ANKRD30A: variants seen among roughly 807,000 people sequenced by gnomAD.
ANKRD30A encodes the protein ankyrin repeat domain 30A, also known as ankyrin repeat domain-containing protein 30A.
In ANKRD30A, 170 loss-of-function variants were observed where a neutral mutation model predicts 166.3. The ratio of observed to expected loss-of-function variants is 1.02; its 90% CI spans 0.90 to 1.16. The LOEUF (loss-of-function observed/expected upper bound fraction) is 1.16. Ranked by LOEUF, ANKRD30A falls within the 50% of genes most tolerant of loss-of-function variation. The pLI is 0.00. For missense variants in ANKRD30A, 1,630 were observed against 1,518.0 expected (o/e 1.07, Z -1.23); for synonymous variants, 564 against 508.9 (o/e 1.11, Z -1.46).
chr10:37,235,948 A>G (rs912975213), downstream of ANKRD30A, among the ~76,000 whole-genome samples: 6 of 151,448 alleles, frequency 4.0e-5, no homozygotes, highest in Admixed American at 6.6e-5. Flanking sequence ...TTTTTTATTT[A>G]TAGTAGAGAC....
downstream of ANKRD30A, among the ~76,000 whole-genome samples, chr10:37,237,032 A>G (rs1843698966): frequency 6.6e-6 from 1 of 152,202 alleles, no homozygotes; most frequent in South Asian, 2.1e-4. Context: ...AGGATTCACA[A>G]TTTAGCTGGA....
At chr10:37,149,445 C>G (rs1038710808) in intron 9 of ANKRD30A, among the ~76,000 whole-genome samples, 5 of 152,010 alleles carry the variant, frequency 3.3e-5, no homozygotes, top group Non-Finnish European at 7.4e-5. Context: ...CTTAACTGCA[C>G]GATCTATGAA....
chr10:37,135,726 T>C (rs1443020570), intron 5 of ANKRD30A, among the ~76,000 whole-genome samples: 3 of 152,204 alleles, frequency 2.0e-5, no homozygotes, highest in Non-Finnish European at 2.9e-5. Flanking sequence ...TGACATCTAT[T>C]AGTTTTCTGC....
At chr10:37,159,884 C>A (rs563724902) in intron 15 of ANKRD30A, among the ~76,000 whole-genome samples, 57 of 152,174 alleles carry the variant, frequency 3.7e-4, no homozygotes, top group African/African-American at 1.3e-3. Flanking sequence ...TTAGTAGAGA[C>A]AGGGTTTCAG....
chr10:37,150,911 C>T (rs1191545725), intron 11 of ANKRD30A, among the ~76,000 whole-genome samples: 1 of 151,948 alleles, frequency 6.6e-6, no homozygotes, highest in Non-Finnish European at 1.5e-5. Flanking sequence ...TTGAACTGTG[C>T]CCCACAGCTT....
At chr10:37,199,970 T>C (rs1353048485) in intron 30 of ANKRD30A, among the ~76,000 whole-genome samples, 182 bp downstream of exon 30, 4 of 152,104 alleles carry the variant, frequency 2.6e-5, no homozygotes, top group Non-Finnish European at 5.9e-5. Context: ...CACAGTGATA[T>C]TGTGTGAATT....
Position 37,145,064 on chromosome 10 carries a change from G to A in ANKRD30A, c.1455+8G>A, listed in dbSNP as rs367822107. On this transcript the variant is annotated splice_region_variant and intron_variant, in intron 8 of 35. Coordinates refer to ENST00000361713, the MANE Select transcript of ANKRD30A (RefSeq NM_052997.3). ...TATTCTTGTGATTCTCGGGTATTGT[G>A]TATTATTGATGTTATTCTCTAAAAA... The A allele has an allele frequency of 6.4e-6, 10 of 1,568,354 alleles. No homozygotes were observed. The highest frequency in any genetic ancestry group is 1.4e-5 in the African/African-American group (1 of 72,900).
intron 15 of ANKRD30A, among the ~76,000 whole-genome samples, chr10:37,158,908 A>G (rs967508079): frequency 1.1e-4 from 17 of 152,198 alleles, no homozygotes; most frequent in South Asian, 4.1e-4. Flanking sequence ...GCAGTGGTTC[A>G]AAGGCTGATT....
At chr10:37,228,717 G>C (rs1168791419) in intron 34 of ANKRD30A, among the ~76,000 whole-genome samples, 2 of 151,870 alleles carry the variant, frequency 1.3e-5, no homozygotes, top group African/African-American at 4.8e-5. Flanking sequence ...CTCCTCAGTA[G>C]CTCTTATGTC....
chr10:37,232,645 G>A (rs553040941), downstream of ANKRD30A: 264 of 54,536 alleles, frequency 4.8e-3, 2 homozygotes, highest in African/African-American at 0.015. Context: ...ATAAATTGAA[G>A]CATTGGTTTT....
chr10:37,130,542 C>T (rs1836321910), intron 3 of ANKRD30A, among the ~76,000 whole-genome samples, 164 bp downstream of exon 3: 1 of 152,058 alleles, frequency 6.6e-6, no homozygotes, highest in African/African-American at 2.4e-5. Flanking sequence ...AATGTTTTTA[C>T]AAGAACTATT....
chr10:37,167,650 T>G (rs1839465557), intron 19 of ANKRD30A, among the ~76,000 whole-genome samples: 1 of 151,894 alleles, frequency 6.6e-6, no homozygotes, highest in East Asian at 1.9e-4. Flanking sequence ...GATTTGTACA[T>G]CTTCCTGCAT....
intron 15 of ANKRD30A, among the ~76,000 whole-genome samples, chr10:37,161,157 G>T (rs1838827200): frequency 6.6e-6 from 1 of 152,214 alleles, no homozygotes; most frequent in African/African-American, 2.4e-5. Context: ...TGATGCTGAT[G>T]CTGGTGGTCC....
chr10:37,225,473 T>C (rs770351190), intron 34 of ANKRD30A, among the ~76,000 whole-genome samples: 1 of 151,754 alleles, frequency 6.6e-6, no homozygotes, highest in Non-Finnish European at 1.5e-5. Flanking sequence ...TCCATGGAGA[T>C]TTTAAAACCA....
At chr10:37,219,987 G>C in intron 34 of ANKRD30A, 90 bp downstream of exon 34, 1 of 163,866 alleles carries the variant, frequency 6.1e-6, no homozygotes, top group Non-Finnish European at 1.0e-5. Flanking sequence ...GAATCTAGTT[G>C]AATATATATA....
At chr10:37,197,162 T>G in intron 27 of ANKRD30A, 119 bp from the exon 28 acceptor site, 1 of 1,398,878 alleles carries the variant, frequency 7.1e-7, no homozygotes. Flanking sequence ...TTTCCAAATC[T>G]AAAGTATTCA....
chr10:37,149,620 T>C, intron 9 of ANKRD30A, 31 bp from the exon 10 acceptor site: 5 of 1,606,962 alleles, frequency 3.1e-6, no homozygotes, highest in South Asian at 1.1e-5. Flanking sequence ...TACTTACTTA[T>C]GATTGATGAT....
chr10:37,237,345 A>C (rs1017318437), downstream of ANKRD30A, among the ~76,000 whole-genome samples: 2 of 152,188 alleles, frequency 1.3e-5, no homozygotes. Context: ...TGAAGAACAG[A>C]ACTTTTTTTA....
At chr10:37,255,905 C>T in the ANKRD30A span, among the ~76,000 whole-genome samples, 1 of 152,322 alleles carries the variant, frequency 6.6e-6, no homozygotes, top group Non-Finnish European at 1.5e-5. Flanking sequence ...TCATTCCCAG[C>T]TCTGAATCCT....
Sources: allele counts gnomAD v4.1 joint callset (sites outside exome capture counted in the v4.1 genomes callset), GRCh38; gene constraint gnomAD v4.1.1; transcripts MANE v1.5; gene names NCBI Gene and HGNC (gene_info 2026-07-23, HGNC 2026-07-21).